The following OR11A1 variants were observed in gnomAD, a reference collection of about 807,000 sequenced individuals.
The protein encoded by OR11A1 is olfactory receptor 11A1.
For synonymous variants in OR11A1, 158 were observed against 152.2 expected, an observed-to-expected ratio of 1.04 and a Z score of -0.28; for missense variants, 380 against 378.2, an observed-to-expected ratio of 1.00 and a Z score of -0.04.
At position 29,453,861 on chromosome 6, in the gene OR11A1, G is replaced by A. The variant is rs1785725936; in HGVS notation, c.-389+3126C>T. 6.6e-6 allele frequency among the ~76,000 whole-genome samples: 1 copy of A among 152,142 alleles called. No homozygotes were observed. The highest frequency in any genetic ancestry group is 6.5e-5 in the Admixed American group (1 of 15,268). Reference sequence around the variant, plus strand: ...GCACAAAGGCAGATGCATTAGCAGAGAATGGAAGCCTTTTGAAATCAAAAG... The same window carrying A: ...GCACAAAGGCAGATGCATTAGCAGAAAATGGAAGCCTTTTGAAATCAAAAG... On this transcript the variant is annotated intron_variant, in intron 1 of 4. Coordinates refer to ENST00000377149, the MANE Select transcript of OR11A1 (RefSeq NM_001394828.1). The surrounding 1 kb of genome is among the most constrained non-coding windows in gnomAD (Gnocchi z 4.5).
At chr6:29,441,781 T>C (rs556743640) in intron 1 of OR11A1, among the ~76,000 whole-genome samples, 1 of 152,302 alleles carries the variant, frequency 6.6e-6, no homozygotes, top group Admixed American at 6.5e-5. Flanking sequence ...GTTCCTTTCT[T>C]TGTGTTCATG....
intron 1 of OR11A1, chr6:29,440,594 T>A (rs1327343011): frequency 1.1e-5 from 17 of 1,613,854 alleles, no homozygotes; most frequent in Non-Finnish European, 1.3e-5. Flanking sequence ...ACACCTCGCT[T>A]AATGAACTGC....
intron 4 of OR11A1, chr6:29,428,222 C>CCTCGGATAATTCTTATATATTCTTCA: frequency 9.1e-6 from 9 of 985,786 alleles, no homozygotes; most frequent in Non-Finnish European, 1.1e-5. Context: ...ACCAACTGTT[C>CCTCGGATAATTCTTATATATTCTTCA]CTCGGATAAT....
At chr6:29,431,001 T>A (rs1054526816) in intron 2 of OR11A1, among the ~76,000 whole-genome samples, 4 of 152,148 alleles carry the variant, frequency 2.6e-5, no homozygotes, top group African/African-American at 9.7e-5. Context: ...GAGTTTGAAA[T>A]CAACAGGAAT....
rs747417798 is a variant in OR11A1 at position 29,427,593 on chromosome 6, G to A, written c.49C>T (p.Leu17Phe). ...AGTTCAGGGATGTCATAGAAGCCAA[G>A]GAGGACAAATTCAGTAATAGTTTCG... ...GNETITEFVLLGFYDIPELHF... is the reference protein window; with the variant it reads ...GNETITEFVLFGFYDIPELHF... Residue 17 changes from leucine (L) to phenylalanine (F), a missense_variant, in exon 5 of 5, where the codon CTT becomes TTT. Coordinates refer to ENST00000377149, the MANE Select transcript of OR11A1 (RefSeq NM_001394828.1). 9.3e-6 allele frequency: 15 copies of A among 1,612,718 alleles called. No individual in the cohort carries two copies. Among genetic ancestry groups the A allele is most frequent in the African/African-American group, 1.3e-5 (1 of 74,906 alleles).
rs191338769 is a variant in OR11A1 at position 29,456,589 on chromosome 6, T to C, written c.-389+398A>G. On this transcript the variant is annotated intron_variant, in intron 1 of 4. Transcript: ENST00000377149. ...GATATCCACTAGAATGTCTATCACA[T>C]GACCCTGAAATTCCACAAATAGGTT... 1.4e-3 allele frequency among the ~76,000 whole-genome samples: 211 copies of C among 152,146 alleles called. 5 individuals carry two copies. The East Asian group carries it at 0.021, about 15-fold the overall frequency.
chr6:29,426,790 A>T lies in OR11A1; in HGVS notation c.852T>A (p.Pro284=). Residue 284 remains proline, a synonymous_variant, in exon 5 of 5, where the codon CCT becomes CCA. Coordinates refer to ENST00000377149, the MANE Select transcript of OR11A1 (RefSeq NM_001394828.1). ...TGGTATAGATCACAGGATTGAAGAGAGGGGTGACCACAGTGTAGAGCAGGG... is the reference window on the plus strand; with the variant it reads ...TGGTATAGATCACAGGATTGAAGAGTGGGGTGACCACAGTGTAGAGCAGGG... The part of the protein sequence containing the change: ...VFSLLYTVVT[P]LFNPVIYTMR... 1 of 1,613,102 alleles carries T rather than the reference A, an allele frequency of 6.2e-7. No homozygotes were observed. The highest frequency in any genetic ancestry group is 8.5e-7 in the Non-Finnish European group (1 of 1,180,012).
intron 1 of OR11A1, chr6:29,439,994 C>T: frequency 1.3e-6 from 2 of 1,581,936 alleles, no homozygotes; most frequent in Non-Finnish European, 1.7e-6. Flanking sequence ...TTTTGTCTTC[C>T]AGTCAAAGGT....
chr6:29,437,670 G>C (rs1783744287), intron 1 of OR11A1, among the ~76,000 whole-genome samples: 1 of 152,140 alleles, frequency 6.6e-6, no homozygotes. Flanking sequence ...TATAGAATAT[G>C]CCACAATATG....
At chr6:29,446,624 G>T (rs1784803661) in intron 1 of OR11A1, among the ~76,000 whole-genome samples, 1 of 152,148 alleles carries the variant, frequency 6.6e-6, no homozygotes, top group Non-Finnish European at 1.5e-5. Flanking sequence ...AAGCCTCAAG[G>T]CACAACGATT....
At chr6:29,451,783 G>A (rs1201645773) in intron 1 of OR11A1, among the ~76,000 whole-genome samples, 14 of 152,188 alleles carry the variant, frequency 9.2e-5, no homozygotes, top group African/African-American at 3.4e-4. Context: ...GTGGTTTGGA[G>A]ATTTCTCAAA....
chr6:29,452,660 G>A (rs998870119), intron 1 of OR11A1, among the ~76,000 whole-genome samples: 1 of 152,006 alleles, frequency 6.6e-6, no homozygotes, highest in Non-Finnish European at 1.5e-5. Flanking sequence ...TACCCAGTGG[G>A]GGAAAATAAT....
intron 1 of OR11A1, among the ~76,000 whole-genome samples, chr6:29,446,460 G>A (rs564662671): frequency 6.6e-6 from 1 of 152,258 alleles, no homozygotes; most frequent in Non-Finnish European, 1.5e-5. Flanking sequence ...AGCCAGGACT[G>A]ACAATGTCAC....
chr6:29,447,653 C>A (rs1202612258), intron 1 of OR11A1, among the ~76,000 whole-genome samples: 2 of 152,212 alleles, frequency 1.3e-5, no homozygotes, highest in Non-Finnish European at 2.9e-5. Flanking sequence ...TTTGGAGAAT[C>A]ACCATTATGG....
chr6:29,428,402 G>A (rs1783005510), intron 4 of OR11A1: 2 of 985,546 alleles, frequency 2.0e-6, no homozygotes, highest in Non-Finnish European at 2.4e-6. Flanking sequence ...GTGGGATCAA[G>A]GTCGGGGAAG....
Position 29,426,661 on chromosome 6 carries a change from C to T in OR11A1, c.*33G>A, listed in dbSNP as rs779076862. 39 of 1,554,038 alleles carry T rather than the reference C, an allele frequency of 2.5e-5. No individual in the cohort carries two copies. Among genetic ancestry groups the T allele is most frequent in the Non-Finnish European group, 3.2e-5 (37 of 1,145,474 alleles). On this transcript the variant is annotated 3_prime_UTR_variant, in exon 5 of 5. Transcript: ENST00000377149. Reference sequence around the variant, plus strand: ...TGGAAGAGTCCCCAGTGGAGGTGTCCGAAGTCCAAAATAACATCTTCATTA... The same window carrying T: ...TGGAAGAGTCCCCAGTGGAGGTGTCTGAAGTCCAAAATAACATCTTCATTA...
intron 4 of OR11A1, chr6:29,428,105 T>C (rs1782979693): frequency 2.3e-6 from 1 of 439,522 alleles, no homozygotes; most frequent in Non-Finnish European, 3.1e-6. Flanking sequence ...AACCAATTCC[T>C]CTATGAGTGG....
chr6:29,448,237 G>A (rs992123710), intron 1 of OR11A1, among the ~76,000 whole-genome samples: 10 of 151,706 alleles, frequency 6.6e-5, no homozygotes, highest in Admixed American at 2.6e-4. Flanking sequence ...GGATGGTCTC[G>A]ATCTCTTGAC....
intron 4 of OR11A1, chr6:29,428,524 G>A: frequency 3.1e-6 from 1 of 319,826 alleles, no homozygotes; most frequent in Non-Finnish European, 4.5e-6. Flanking sequence ...GGGAGGCTGA[G>A]GCGGGTGGAT....
Sources: gnomAD v4.1 joint callset for allele counts (sites outside exome capture counted in the v4.1 genomes callset) on GRCh38, gnomAD v4.1.1 for gene constraint, Gnocchi (gnomAD v3.1) non-coding constraint, MANE v1.5 for transcripts, NCBI Gene and HGNC (gene_info 2026-07-23, HGNC 2026-07-21) for gene names.